Variants in SLC5A10 observed in about 807,000 individuals in gnomAD.
The protein encoded by SLC5A10 is solute carrier family 5 member 10.
Under a neutral mutation model 68.9 loss-of-function variants are expected in SLC5A10, and 55 were observed. That is an observed-to-expected ratio of 0.80 (90% CI 0.64 to 1.00). SLC5A10 has a LOEUF of 1.00. Ranked by LOEUF, SLC5A10 falls within the 50% of genes least tolerant of loss-of-function variation. The pLI is 0.00. For synonymous variants in SLC5A10, 344 were observed against 344.8 expected, an observed-to-expected ratio of 1.00 and a Z score of 0.02; for missense variants, 732 against 819.3, an observed-to-expected ratio of 0.89 and a Z score of 1.30.
chr17:18,991,689 T>G (rs1384704412), intron 9 of SLC5A10, among the ~76,000 whole-genome samples: 1 of 152,168 alleles, frequency 6.6e-6, no homozygotes, highest in Non-Finnish European at 1.5e-5. Flanking sequence ...CACGTGTGTG[T>G]CCTGCACCCC....
chr17:18,969,621 G>T, intron 7 of SLC5A10, 199 bp downstream of exon 7: 1 of 536,670 alleles, frequency 1.9e-6, no homozygotes, highest in South Asian at 2.9e-5. Context: ...GCTGGTAGAG[G>T]CTACCCACCC....
chr17:18,976,738 G>C, intron 8 of SLC5A10, 116 bp from the exon 9 acceptor site: 3 of 1,385,672 alleles, frequency 2.2e-6, no homozygotes, highest in Non-Finnish European at 2.9e-6. Context: ...GGGCAGGTCA[G>C]AGGCTAATGG....
At chr17:18,988,409 T>C (rs373075125) in intron 9 of SLC5A10, 32 of 1,613,828 alleles carry the variant, frequency 2.0e-5, no homozygotes, top group Non-Finnish European at 2.5e-5. Flanking sequence ...TGACCACAGC[T>C]ATCACCTGGG....
At chr17:18,952,109 T>C, upstream of SLC5A10, 1 of 1,502,054 alleles carries the variant, frequency 6.7e-7, no homozygotes. Flanking sequence ...GTCCGCTTGG[T>C]TTAATGATCA....
At chr17:18,984,326 C>A (rs2043212201) in intron 9 of SLC5A10, among the ~76,000 whole-genome samples, 1 of 144,088 alleles carries the variant, frequency 6.9e-6, no homozygotes, top group Non-Finnish European at 1.5e-5. Flanking sequence ...GAGCAAGACT[C>A]CCTCTCAAAA....
intron 9 of SLC5A10, chr17:18,978,607 C>T (rs978351846): frequency 6.2e-7 from 1 of 1,613,086 alleles, no homozygotes; most frequent in African/African-American, 1.3e-5. Context: ...CGCTCTTGGC[C>T]TTGACAAGTG....
chr17:18,952,494 G>C (rs2258367), intron 1 of SLC5A10, 178 bp downstream of exon 1: 582,223 of 655,864 alleles, frequency 0.89, 259,987 homozygotes, highest in African/African-American at 0.98. Flanking sequence ...GACCAAGCCC[G>C]TTTCTCTCTT....
In SLC5A10 at chr17:18,968,973, C is replaced by T; in HGVS notation, c.454-79C>T. The T allele has an allele frequency of 6.9e-7, 1 of 1,443,992 alleles. No individual in the cohort carries two copies. The highest frequency in any genetic ancestry group is 9.4e-7 in the Non-Finnish European group (1 of 1,067,636). The allele number at this position is 1,443,992 out of a possible 1,614,324, so 89.4% of individuals were successfully genotyped here. On this transcript the variant is annotated intron_variant, in intron 5 of 14. Coordinates refer to ENST00000395645, the MANE Select transcript of SLC5A10 (RefSeq NM_001042450.4). The surrounding 1 kb of genome is among the most constrained non-coding windows in gnomAD (Gnocchi z 4.1). ...CAGGCCACCGAGGCCCAGAGAGGGC[C>T]TTGCCCGAGGTCACCCAGGGAGTGG...
At chr17:18,969,532 A>C in intron 7 of SLC5A10, 110 bp downstream of exon 7, 1 of 1,069,576 alleles carries the variant, frequency 9.3e-7, no homozygotes, top group Non-Finnish European at 1.4e-6. Flanking sequence ...TCTGGGTAGC[A>C]TCGCTGGGAG....
chr17:19,019,397 G>A (rs760338034), intron 11 of SLC5A10, 26 bp from the exon 12 acceptor site: 45 of 1,597,098 alleles, frequency 2.8e-5, no homozygotes, highest in African/African-American at 6.7e-5. Context: ...CACGACGACC[G>A]CTGCCTGCCT....
intron 9 of SLC5A10, 179 bp from the exon 10 acceptor site, chr17:19,013,231 C>T (rs542388789): frequency 2.2e-6 from 2 of 923,920 alleles, no homozygotes; most frequent in East Asian, 3.0e-5. Context: ...AAAGGATTTT[C>T]AGAGGCCATG....
chr17:18,951,486 C>T (rs915390799), upstream of SLC5A10: 3 of 152,522 alleles, frequency 2.0e-5, no homozygotes, highest in Admixed American at 2.0e-4. Context: ...AGAACAGCCA[C>T]GCATGGTCCT....
chr17:18,967,727 C>G (rs567961416), intron 5 of SLC5A10, among the ~76,000 whole-genome samples: 2 of 152,362 alleles, frequency 1.3e-5, no homozygotes, highest in Non-Finnish European at 1.5e-5. Flanking sequence ...CTGATACCTA[C>G]CAGGGGCTGA....
intron 9 of SLC5A10, among the ~76,000 whole-genome samples, chr17:19,010,235 G>A (rs779132329): frequency 2.0e-4 from 30 of 152,260 alleles, no homozygotes; most frequent in Non-Finnish European, 3.8e-4. Flanking sequence ...AGTGCAGTTC[G>A]CCTAATAATC....
Position 19,018,212 on chromosome 17 carries a change from C to G in SLC5A10, c.1242-1211C>G, listed in dbSNP as rs2044180031. 6.6e-6 allele frequency: 1 copy of G among 152,390 alleles called. No individual in the cohort carries two copies. Among genetic ancestry groups the G allele is most frequent in the Non-Finnish European group, 1.5e-5 (1 of 68,184 alleles). The allele number at this position is 152,390 out of a possible 1,614,324, so 9.4% of individuals were successfully genotyped here. ...CTAGCTGAACACATAGCCTCTGTCACCCCTGCCACCACAGCCAGGGTTCCA... is the reference window on the plus strand; with the variant it reads ...CTAGCTGAACACATAGCCTCTGTCAGCCCTGCCACCACAGCCAGGGTTCCA... On this transcript the variant is annotated intron_variant, in intron 11 of 14. Coordinates refer to ENST00000395645, the MANE Select transcript of SLC5A10 (RefSeq NM_001042450.4). This position sits in a 1 kb window ranked among gnomAD's most constrained non-coding sequence, Gnocchi z 4.2.
intron 8 of SLC5A10, among the ~76,000 whole-genome samples, chr17:18,973,884 GTTTTTTTT>G (rs35778801): frequency 0.098 from 9,356 of 95,716 alleles, 562 homozygotes; most frequent in South Asian, 0.37. Context: ...TTTTTTTTAA[GTTTTTTTT>G]TTTTTTTTTT....
intron 9 of SLC5A10, among the ~76,000 whole-genome samples, chr17:18,999,367 G>A (rs542224069): frequency 8.1e-4 from 123 of 152,302 alleles, no homozygotes; most frequent in African/African-American, 2.9e-3. Flanking sequence ...GCAGGGGTAG[G>A]GCTCAGAAGG....
intron 9 of SLC5A10, chr17:18,978,454 C>T: frequency 6.2e-7 from 1 of 1,606,886 alleles, no homozygotes; most frequent in South Asian, 1.1e-5. Context: ...ACATGTTGGC[C>T]CTCTCCAGGT....
At chr17:18,978,591 C>T (rs780718186) in intron 9 of SLC5A10, 15 of 1,613,050 alleles carry the variant, frequency 9.3e-6, no homozygotes, top group East Asian at 4.5e-5. Context: ...TTGGCAATCT[C>T]GTCGACGCTC....
Sources: allele counts gnomAD v4.1 joint callset (sites outside exome capture counted in the v4.1 genomes callset), GRCh38; gene constraint gnomAD v4.1.1; non-coding constraint Gnocchi (gnomAD v3.1); transcripts MANE v1.5; gene names NCBI Gene and HGNC (gene_info 2026-07-23, HGNC 2026-07-21).